TGFBRAP1: variants seen among roughly 807,000 people sequenced by gnomAD.
The protein encoded by TGFBRAP1 is transforming growth factor beta receptor associated protein 1.
TGFBRAP1 carries 20 observed loss-of-function variants against 83.2 expected under a neutral mutation model. The observed-to-expected ratio is 0.24, with a 90% CI of 0.17 to 0.35. The LOEUF (loss-of-function observed/expected upper bound fraction) is 0.35. Among genes scored for constraint, TGFBRAP1 ranks in the 10% least tolerant of loss-of-function variants. TGFBRAP1 has a pLI of 1.00. For missense variants in TGFBRAP1, 950 were observed against 1,099.4 expected (o/e 0.86, Z 1.92); for synonymous variants, 415 against 459.8 (o/e 0.90, Z 1.25).
the TGFBRAP1 span, among the ~76,000 whole-genome samples, chr2:105,250,613 T>A: frequency 9.8e-6 from 1 of 101,960 alleles, no homozygotes; most frequent in Non-Finnish European, 2.0e-5. Flanking sequence ...TCCCTCTCCC[T>A]CCTCTCCCTC....
chr2:105,276,957 A>C (rs1307215446), intron 7 of TGFBRAP1, among the ~76,000 whole-genome samples: 1 of 152,220 alleles, frequency 6.6e-6, no homozygotes, highest in Non-Finnish European at 1.5e-5. Flanking sequence ...AGGAAACAAC[A>C]CGGTGCAGTA....
the TGFBRAP1 span, among the ~76,000 whole-genome samples, chr2:105,252,171 T>C: frequency 6.6e-6 from 1 of 152,226 alleles, no homozygotes; most frequent in Non-Finnish European, 1.5e-5. Flanking sequence ...AATAAAATAC[T>C]GCTGCCGTAT....
intron 6 of TGFBRAP1, 32 bp from the exon 7 acceptor site, chr2:105,277,703 C>T: frequency 1.9e-6 from 3 of 1,610,582 alleles, no homozygotes; most frequent in Non-Finnish European, 2.5e-6. Flanking sequence ...AGTACAACCT[C>T]TCCCCATCAG....
intron 4 of TGFBRAP1, among the ~76,000 whole-genome samples, chr2:105,290,940 A>G (rs1377111979): frequency 6.6e-6 from 1 of 152,142 alleles, no homozygotes; most frequent in Non-Finnish European, 1.5e-5. Flanking sequence ...CGGGAGGTGG[A>G]GGTTGCAGTG....
intron 2 of TGFBRAP1, among the ~76,000 whole-genome samples, chr2:105,301,946 T>G (rs1431087109): frequency 3.9e-5 from 5 of 129,218 alleles, no homozygotes; most frequent in African/African-American, 1.5e-4. Context: ...CGGTAAAATA[T>G]GGAAACAAAT....
At chr2:105,276,450 AG>A (rs1677352305) in intron 7 of TGFBRAP1, among the ~76,000 whole-genome samples, 1 of 152,168 alleles carries the variant, frequency 6.6e-6, no homozygotes, top group Admixed American at 6.5e-5. Flanking sequence ...GCCCAGAAAC[AG>A]GGGTGGCATA....
At chr2:105,306,088 G>A (rs1256021420) in intron 2 of TGFBRAP1, among the ~76,000 whole-genome samples, 3 of 137,400 alleles carry the variant, frequency 2.2e-5, no homozygotes, top group African/African-American at 5.7e-5. Flanking sequence ...TTTTGAGACA[G>A]TTTCCCTCTT....
In TGFBRAP1 at chr2:105,316,462, T is replaced by TGTGTGTGTGTGTGC. The variant is rs1177329674; in HGVS notation, c.-17-8145_-17-8144insGCACACACACACAC. 1.4e-3 allele frequency among the ~76,000 whole-genome samples: 118 copies of TGTGTGTGTGTGTGC among 84,796 alleles called. 1 individual carries two copies. Among genetic ancestry groups the TGTGTGTGTGTGTGC allele is most frequent in the African/African-American group, 3.2e-3 (59 of 18,488 alleles). The allele number at this position is 84,796 out of a possible 152,430, so 55.6% of individuals were successfully genotyped here. The stretch of plus-strand genomic sequence containing the variant: ...GTGTGTGTGTGTGTGTGTGTGTGTG[T>TGTGTGTGTGTGTGC]GCGCGCGCGCGCGCGCGCACGCGCA... On this transcript the variant is annotated intron_variant, in intron 1 of 11. Transcript: ENST00000393359.
chr2:105,310,019 T>C (rs1678641453), intron 1 of TGFBRAP1, among the ~76,000 whole-genome samples: 1 of 152,128 alleles, frequency 6.6e-6, no homozygotes, highest in African/African-American at 2.4e-5. Flanking sequence ...ATCTTGGACT[T>C]CCCAGCCTCC....
intron 4 of TGFBRAP1, among the ~76,000 whole-genome samples, chr2:105,293,879 G>A (rs1677994775): frequency 6.6e-6 from 1 of 152,192 alleles, no homozygotes; most frequent in Admixed American, 6.5e-5. Flanking sequence ...GTATGGCGCT[G>A]AGGGGTGACA....
chr2:105,290,501 T>C (rs17688841), intron 4 of TGFBRAP1, among the ~76,000 whole-genome samples: 23,574 of 152,124 alleles, frequency 0.15, 2,291 homozygotes, highest in South Asian at 0.24. Context: ...ACTATAAATA[T>C]TTTTCCTAAT....
In TGFBRAP1 at chr2:105,269,593, C is replaced by T. The variant is rs565390607; in HGVS notation, c.2085G>A (p.Ala695=). The T allele has an allele frequency of 1.7e-5, 27 of 1,610,146 alleles. No homozygotes were observed. The highest frequency in any genetic ancestry group is 1.1e-4 in the East Asian group (5 of 44,742). ...AGCACCACAGGCAGTAGTCCTCGGCCGCTGCAAAGTCCTGCAGCTCGTGCA... is the reference window on the plus strand; with the variant it reads ...AGCACCACAGGCAGTAGTCCTCGGCTGCTGCAAAGTCCTGCAGCTCGTGCA... ...ILVHELQDFA[A]AEDYCLWCSE... The change falls in exon 11 of 12, where the codon GCG becomes GCA. Residue 695 remains alanine, a synonymous_variant. Transcript: ENST00000393359. This position sits in a 1 kb window ranked among gnomAD's most constrained non-coding sequence, Gnocchi z 4.1.
the TGFBRAP1 span, among the ~76,000 whole-genome samples, chr2:105,253,820 A>C: frequency 6.6e-6 from 1 of 152,206 alleles, no homozygotes; most frequent in Non-Finnish European, 1.5e-5. Flanking sequence ...AAAACCAAAC[A>C]ACCAGTGTGT....
intron 4 of TGFBRAP1, among the ~76,000 whole-genome samples, chr2:105,294,830 G>A (rs1036132037): frequency 2.0e-5 from 3 of 152,192 alleles, no homozygotes; most frequent in African/African-American, 7.2e-5. Context: ...GTAAGAAAAT[G>A]CTACACGCTT....
At chr2:105,253,507 C>T in the TGFBRAP1 span, among the ~76,000 whole-genome samples, 1 of 152,190 alleles carries the variant, frequency 6.6e-6, no homozygotes, top group Non-Finnish European at 1.5e-5. Flanking sequence ...TCATAGATTA[C>T]TGCAGCCTTA....
rs139413820 is a variant in TGFBRAP1 at position 105,276,657 on chromosome 2, TTACTA to T, written c.1521+952_1522-955del. Among the ~76,000 whole-genome samples the T allele has an allele frequency of 1.4e-3, 210 of 152,350 alleles. 1 individual carries two copies. The highest frequency in any genetic ancestry group is 2.6e-3 in the Non-Finnish European group (177 of 68,038). ...TCTCTCTACAGCTCTGCTAAAGTTATTACTATACTTATATAAAGCTGTAACTGAGA... is the reference window on the plus strand; with the variant it reads ...TCTCTCTACAGCTCTGCTAAAGTTATTACTTATATAAAGCTGTAACTGAGA... On this transcript the variant is annotated intron_variant, in intron 7 of 11. Transcript: ENST00000393359.
downstream of TGFBRAP1, among the ~76,000 whole-genome samples, chr2:105,260,134 C>T (rs1265147125): frequency 6.6e-6 from 1 of 152,160 alleles, no homozygotes; most frequent in African/African-American, 2.4e-5. Flanking sequence ...CATGGCTGGG[C>T]ATGGTGGCTT....
intron 1 of TGFBRAP1, among the ~76,000 whole-genome samples, chr2:105,319,976 C>A (rs773870415): frequency 9.2e-5 from 14 of 151,928 alleles, no homozygotes; most frequent in Non-Finnish European, 1.8e-4. Flanking sequence ...AACTCCTAAT[C>A]TGGTACAGAG....
At chr2:105,280,057 A>G (rs1677479496) in intron 6 of TGFBRAP1, among the ~76,000 whole-genome samples, 2 of 152,028 alleles carry the variant, frequency 1.3e-5, no homozygotes, top group Admixed American at 1.3e-4. Context: ...AGTCATTAAA[A>G]AAAAAAAAAA....
Sources: allele counts gnomAD v4.1 joint callset (sites outside exome capture counted in the v4.1 genomes callset), GRCh38; gene constraint gnomAD v4.1.1; non-coding constraint Gnocchi (gnomAD v3.1); transcripts MANE v1.5; gene names NCBI Gene and HGNC (gene_info 2026-07-23, HGNC 2026-07-21).